PXDN: variants seen among roughly 807,000 people sequenced by gnomAD.
The protein encoded by PXDN is peroxidasin.
Under a neutral mutation model 140.3 loss-of-function variants are expected in PXDN, and 77 were observed. The observed-to-expected ratio is 0.55, with a 90% CI of 0.46 to 0.66. The LOEUF (loss-of-function observed/expected upper bound fraction) is 0.66, where lower values mean the gene tolerates loss of function less well. Ranked by LOEUF, PXDN falls within the 30% of genes least tolerant of loss-of-function variation. PXDN has a pLI of 0.00. For synonymous variants in PXDN, 911 were observed against 857.4 expected (o/e 1.06, Z -1.09); for missense variants, 1,838 against 2,039.5 (o/e 0.90, Z 1.90).
chr2:1,744,138 C>A (rs973624908), intron 1 of PXDN, 118 bp downstream of exon 1: 39 of 1,083,224 alleles, frequency 3.6e-5, no homozygotes, highest in Non-Finnish European at 4.6e-5. Flanking sequence ...TCCCCAGGCC[C>A]CCCGCGCGCC....
intron 1 of PXDN, among the ~76,000 whole-genome samples, chr2:1,738,949 C>G (rs1685478030): frequency 6.6e-6 from 1 of 152,220 alleles, no homozygotes; most frequent in South Asian, 2.1e-4. Flanking sequence ...AACCCTGGAT[C>G]TGTGCCACGG....
At chr2:1,713,966 G>A (rs1385884422) in intron 1 of PXDN, among the ~76,000 whole-genome samples, 2 of 152,234 alleles carry the variant, frequency 1.3e-5, no homozygotes, top group Admixed American at 6.5e-5. Flanking sequence ...TCTCCTGTGC[G>A]GGCCAGGCAC....
At chr2:1,731,179 C>T (rs6715146) in intron 1 of PXDN, among the ~76,000 whole-genome samples, 2 of 148,996 alleles carry the variant, frequency 1.3e-5, no homozygotes, top group Non-Finnish European at 3.0e-5. Context: ...CACACACACA[C>T]ATGAACTAGT....
rs984626757 is a variant in PXDN, at chr2:1,662,322, C to T, written c.1568-138G>A. 10 of 752,780 alleles carry T rather than the reference C, an allele frequency of 1.3e-5. No homozygotes were observed. The African/African-American group carries it at 1.7e-4, about 13-fold the overall frequency. The allele number at this position is 752,780 out of a possible 1,614,324, so 46.6% of individuals were successfully genotyped here. A position where few individuals can be genotyped will look rare whatever the true frequency, so the allele number is the denominator to read the frequency against. On this transcript the variant is annotated intron_variant, in intron 12 of 22. Transcript: ENST00000252804. Reference sequence around the variant, plus strand: ...CAGTCAGTTTCAGAATGGGCCCTTTCTCTGCCTCCCAGCAGCCTCTGCACA... The same window carrying T: ...CAGTCAGTTTCAGAATGGGCCCTTTTTCTGCCTCCCAGCAGCCTCTGCACA...
At chr2:1,680,411 T>A (rs1683867601) in intron 6 of PXDN, 49 bp from the exon 7 acceptor site, 1 of 1,595,306 alleles carries the variant, frequency 6.3e-7, no homozygotes, top group African/African-American at 1.3e-5. Flanking sequence ...GCTGGGCTTG[T>A]CCATCCATCC....
At chr2:1,736,120 T>C (rs904307369) in intron 1 of PXDN, among the ~76,000 whole-genome samples, 3 of 152,214 alleles carry the variant, frequency 2.0e-5, no homozygotes, top group Non-Finnish European at 4.4e-5. Flanking sequence ...GGCCTTGCTC[T>C]GGATCAAACT....
chr2:1,680,117 A>AGATGGTGTGTGTGTG (rs796323306), intron 7 of PXDN, 76 bp downstream of exon 7: 171,864 of 1,380,994 alleles, frequency 0.12, 11,838 homozygotes, highest in Non-Finnish European at 0.13. Context: ...TTGTGTGTGT[A>AGATGGTGTGTGTGTG]GATGGTGTGT....
chr2:1,692,051 G>A (rs1684193096), intron 2 of PXDN, 52 bp from the exon 3 acceptor site: 13 of 1,310,516 alleles, frequency 9.9e-6, no homozygotes, highest in South Asian at 1.4e-5. Context: ...AACAAACTTC[G>A]AAGTTGTGTT....
chr2:1,676,772 C>T (rs181775896), intron 8 of PXDN, among the ~76,000 whole-genome samples, 155 bp downstream of exon 8: 10 of 152,324 alleles, frequency 6.6e-5, no homozygotes, highest in Admixed American at 3.9e-4. Context: ...CATGTAAGAC[C>T]GGAAAAGGAG....
chr2:1,721,215 G>A (rs1011467245), intron 1 of PXDN, among the ~76,000 whole-genome samples: 1 of 152,190 alleles, frequency 6.6e-6, no homozygotes, highest in African/African-American at 2.4e-5. Flanking sequence ...AGGCAGCGTG[G>A]CTGAGGATGG....
intron 17 of PXDN, among the ~76,000 whole-genome samples, chr2:1,645,310 C>A (rs1229246409): frequency 6.6e-6 from 1 of 152,196 alleles, no homozygotes; most frequent in Non-Finnish European, 1.5e-5. Context: ...TCATCGACTT[C>A]TTCCAATTCC....
chr2:1,673,516 T>C, intron 9 of PXDN, 127 bp downstream of exon 9: 2 of 1,289,130 alleles, frequency 1.6e-6, no homozygotes, highest in Non-Finnish European at 2.2e-6. Flanking sequence ...GAGCCAACCC[T>C]GGTACTGGAG....
intron 1 of PXDN, among the ~76,000 whole-genome samples, chr2:1,719,913 G>GC (rs1362008748): frequency 1.8e-5 from 2 of 112,950 alleles, no homozygotes; most frequent in African/African-American, 3.1e-5. Context: ...AGAGAGGGAG[G>GC]GAGGGATGCA....
rs1238038530 is a variant in PXDN at position 1,633,428 on chromosome 2, A to G, written c.*776T>C. On this transcript the variant is annotated 3_prime_UTR_variant, in exon 23 of 23. Coordinates refer to ENST00000252804, the MANE Select transcript of PXDN (RefSeq NM_012293.3). ...GTGTGCAAGTGACAGCTGAAAGCAA[A>G]CCTGTTTCTAAATGTGGCTTATGAA... 1 of 152,046 alleles carries G rather than the reference A, an allele frequency of 6.6e-6. No homozygotes were observed. Among genetic ancestry groups the G allele is most frequent in the Non-Finnish European group, 1.5e-5 (1 of 68,044 alleles). The allele number at this position is 152,046 out of a possible 1,614,324, so 9.4% of individuals were successfully genotyped here.
At chr2:1,684,947 A>C (rs1259818323) in intron 4 of PXDN, among the ~76,000 whole-genome samples, 1 of 152,196 alleles carries the variant, frequency 6.6e-6, no homozygotes, top group Non-Finnish European at 1.5e-5. Context: ...TGCAACCAGC[A>C]CACATTTTCA....
chr2:1,642,064 G>A (rs1335302534), intron 19 of PXDN, among the ~76,000 whole-genome samples: 1 of 152,166 alleles, frequency 6.6e-6, no homozygotes, highest in Admixed American at 6.5e-5. Flanking sequence ...TAACAAGCAT[G>A]TAAATAATTT....
chr2:1,740,077 A>G (rs1685505664), intron 1 of PXDN, among the ~76,000 whole-genome samples: 1 of 152,176 alleles, frequency 6.6e-6, no homozygotes, highest in East Asian at 1.9e-4. Flanking sequence ...AAAGGAGGAG[A>G]GGCCTGGCGT....
intron 1 of PXDN, among the ~76,000 whole-genome samples, chr2:1,711,902 C>T (rs1283752337): frequency 1.3e-5 from 2 of 152,310 alleles, no homozygotes; most frequent in East Asian, 3.9e-4. Flanking sequence ...AGGAGGCTGA[C>T]CCAGGAGGTC....
chr2:1,724,616 A>G (rs1427081086), intron 1 of PXDN, among the ~76,000 whole-genome samples: 1 of 152,030 alleles, frequency 6.6e-6, no homozygotes, highest in African/African-American at 2.4e-5. Flanking sequence ...CAAAGAGACG[A>G]CCCTTTCCTC....
Sources: gnomAD v4.1 joint callset for allele counts (sites outside exome capture counted in the v4.1 genomes callset) on GRCh38, gnomAD v4.1.1 for gene constraint, MANE v1.5 for transcripts, NCBI Gene and HGNC (gene_info 2026-07-23, HGNC 2026-07-21) for gene names.